The following STS variants were observed in gnomAD, a reference collection of about 807,000 sequenced individuals.
STS encodes the protein steryl-sulfatase.
In STS, 7 loss-of-function variants were observed where a neutral mutation model predicts 26.8. The ratio of observed to expected loss-of-function variants is 0.26; its 90% CI spans 0.15 to 0.49. The LOEUF (loss-of-function observed/expected upper bound fraction) is 0.49, where lower values mean the gene tolerates loss of function less well. Among genes scored for constraint, STS ranks in the 20% least tolerant of loss-of-function variants. STS has a pLI of 0.98. For synonymous variants in STS, 199 were observed against 189.4 expected (o/e 1.05, Z -0.42); for missense variants, 434 against 465.6 (o/e 0.93, Z 0.63).
intron 1 of STS, among the ~76,000 whole-genome samples, chrX:7,184,543 G>A (rs781395417): frequency 8.9e-6 from 1 of 112,130 alleles, no homozygotes; most frequent in African/African-American, 3.2e-5. Flanking sequence ...GTGACACTTT[G>A]ACATCCGCTT....
chrX:7,259,819 G>A (rs1923646512), intron 6 of STS, 47 bp downstream of exon 6: 1 of 1,181,988 alleles, frequency 8.5e-7, no homozygotes, highest in African/African-American at 1.8e-5. Flanking sequence ...AAAACATTCT[G>A]GGTTATTTCT....
rs189262367 is a variant in STS at position 7,326,398 on chromosome X, G to A, written c.1241+900G>A. On this transcript the variant is annotated intron_variant, in intron 9 of 10. Transcript: ENST00000674429. ...CATCGTGCTGACGCTCTTCTCGTCTGTTCACCCCACCGTAGCTTGCCATTG... is the reference window on the plus strand; with the variant it reads ...CATCGTGCTGACGCTCTTCTCGTCTATTCACCCCACCGTAGCTTGCCATTG... Among the ~76,000 whole-genome samples the A allele has an allele frequency of 2.6e-3, 287 of 111,504 alleles. 3 individuals carry two copies. The highest frequency in any genetic ancestry group is 8.8e-3 in the African/African-American group (269 of 30,660).
intron 7 of STS, among the ~76,000 whole-genome samples, chrX:7,299,264 A>G (rs1170335448): frequency 8.2e-5 from 8 of 97,319 alleles, no homozygotes; most frequent in Middle Eastern, 5.6e-3. Context: ...ATTATAAATT[A>G]TATGTAAGTA....
In STS at chrX:7,322,461, T is replaced by C. The variant is rs4830726; in HGVS notation, c.1082-2878T>C. Among the ~76,000 whole-genome samples, 323 of 111,986 alleles carry C rather than the reference T, an allele frequency of 2.9e-3. 5 individuals are homozygous for C. Among genetic ancestry groups the C allele is most frequent in the Admixed American group, 0.027 (289 of 10,559 alleles). On this transcript the variant is annotated intron_variant, in intron 8 of 10. Coordinates refer to ENST00000674429, the MANE Select transcript of STS (RefSeq NM_001320752.2). ...TGTTACACAGGCTAGAGTGCACTGG[T>C]GAGATCTTGGCTCACTGCAACCTCC...
chrX:7,183,804 C>T (rs1933725396), intron 1 of STS, among the ~76,000 whole-genome samples: 1 of 111,197 alleles, frequency 9.0e-6, no homozygotes. Context: ...GAGTTCAAGA[C>T]CAGCCTGGCC....
intron 1 of STS, among the ~76,000 whole-genome samples, chrX:7,185,073 A>G (rs1202395217): frequency 2.7e-5 from 3 of 112,387 alleles, no homozygotes; most frequent in African/African-American, 9.7e-5. Flanking sequence ...GTTGTTGGCC[A>G]GAGAACAAGA....
chrX:7,325,219 G>A (rs767866299), intron 8 of STS, 120 bp from the exon 9 acceptor site: 2 of 714,752 alleles, frequency 2.8e-6, no homozygotes, highest in South Asian at 2.3e-5. Flanking sequence ...ACTCATAGAT[G>A]GAATCTATGT....
At chrX:7,249,589 T>C (rs1254370463) in intron 2 of STS, among the ~76,000 whole-genome samples, 1 of 111,106 alleles carries the variant, frequency 9.0e-6, no homozygotes, top group Non-Finnish European at 1.9e-5. Context: ...ACTGCTCGAG[T>C]AATTAGAAAA....
chrX:7,329,774 C>G (rs1927659264), intron 9 of STS, among the ~76,000 whole-genome samples: 4 of 111,830 alleles, frequency 3.6e-5, no homozygotes, highest in African/African-American at 1.3e-4. Context: ...TCTCAGGAAG[C>G]ATTTTGGATC....
At position 7,209,754 on chromosome X, in the gene STS, C is replaced by T. The variant is rs189105682; in HGVS notation, c.-5+18746C>T. ...TGGTGGTTTGCTGCACCTATTGACC[C>T]ATCCTCTAAGTTTCTTCCCGTCACC... is the stretch of plus-strand genomic sequence containing the variant. On this transcript the variant is annotated intron_variant, in intron 2 of 10. Transcript: ENST00000674429. Among the ~76,000 whole-genome samples the T allele has an allele frequency of 5.5e-5, 6 of 109,169 alleles. No individual in the cohort carries two copies. The East Asian group carries it at 1.7e-3, about 31-fold the overall frequency. 94.8% of individuals were successfully genotyped at this position (109,169 alleles called of 115,157 possible). A position where few individuals can be genotyped will look rare whatever the true frequency, so the allele number is the denominator to read the frequency against.
intron 4 of STS, 44 bp downstream of exon 4, chrX:7,257,407 A>G (rs1462085764): frequency 3.3e-6 from 4 of 1,210,694 alleles, no homozygotes; most frequent in Non-Finnish European, 4.5e-6. Flanking sequence ...CACCTTCGGG[A>G]CAGTCTCCCA....
chrX:7,219,803 T>A (rs1199053382), intron 2 of STS: 1 of 877,136 alleles, frequency 1.1e-6, no homozygotes, highest in Admixed American at 2.4e-5. Flanking sequence ...TGTTGTCTTG[T>A]TCTTGTTTCT....
chrX:7,281,619 G>A (rs144861788), intron 7 of STS, among the ~76,000 whole-genome samples: 4,645 of 111,813 alleles, frequency 0.042, 229 homozygotes, highest in African/African-American at 0.14. Flanking sequence ...GAGGGATGGA[G>A]AATAAATTGG....
intron 7 of STS, among the ~76,000 whole-genome samples, chrX:7,279,325 G>A (rs1001072280): frequency 3.4e-3 from 143 of 42,501 alleles, no homozygotes; most frequent in South Asian, 0.019. Flanking sequence ...GTGTGTGTGT[G>A]TGTGTGTGTG....
intron 5 of STS, among the ~76,000 whole-genome samples, chrX:7,258,041 TGGAA>T (rs1273092420): frequency 1.2e-5 from 1 of 86,097 alleles, no homozygotes; most frequent in Non-Finnish European, 2.4e-5. Flanking sequence ...GATGGATGGA[TGGAA>T]GGAATAGATG....
At chrX:7,217,494 C>A (rs1438041707) in intron 2 of STS, among the ~76,000 whole-genome samples, 1 of 111,787 alleles carries the variant, frequency 8.9e-6, no homozygotes, top group Admixed American at 9.5e-5. Context: ...ATGTCGGCCC[C>A]CTATGGCCAT....
chrX:7,269,764 G>A (rs865889358), intron 6 of STS, among the ~76,000 whole-genome samples: 1 of 111,263 alleles, frequency 9.0e-6, no homozygotes, highest in Non-Finnish European at 1.9e-5. Flanking sequence ...GGGGGTTGGG[G>A]GTGGCGGTTG....
At chrX:7,269,356 G>A (rs1168527137) in intron 6 of STS, among the ~76,000 whole-genome samples, 1 of 103,234 alleles carries the variant, frequency 9.7e-6, no homozygotes, top group Non-Finnish European at 2.0e-5. Flanking sequence ...ATACATTTCT[G>A]TATCTCTGAA....
chrX:7,218,504 T>C (rs1921404543), intron 2 of STS, among the ~76,000 whole-genome samples: 1 of 112,482 alleles, frequency 8.9e-6, no homozygotes, highest in Non-Finnish European at 1.9e-5. Flanking sequence ...ATCTATGTGC[T>C]TAACTTTTAA....
Sources: allele counts gnomAD v4.1 joint callset (sites outside exome capture counted in the v4.1 genomes callset), GRCh38; gene constraint gnomAD v4.1.1; transcripts MANE v1.5; gene names NCBI Gene and HGNC (gene_info 2026-07-23, HGNC 2026-07-21).